The following CYRIB variants were observed in gnomAD, a reference collection of about 807,000 sequenced individuals.
CYRIB encodes the protein CYFIP-related Rac1 interactor B.
In CYRIB, 8 loss-of-function variants were observed where a neutral mutation model predicts 44.2. The ratio of observed to expected loss-of-function variants is 0.18; its 90% CI spans 0.11 to 0.33. The LOEUF (loss-of-function observed/expected upper bound fraction) is 0.33. Among genes scored for constraint, CYRIB ranks in the 10% least tolerant of loss-of-function variants. The pLI, the probability that CYRIB is intolerant of heterozygous loss-of-function variation, is 1.00. For synonymous variants in CYRIB, 131 were observed against 127.2 expected (o/e 1.03, Z -0.20); for missense variants, 185 against 382.8 (o/e 0.48, Z 4.31).
exon 12 of CYRIB, chr8:129,842,205 C>T (rs75282408): frequency 6.2e-7 from 1 of 1,605,798 alleles, no homozygotes; most frequent in Non-Finnish European, 8.5e-7. Flanking sequence ...TTGTTGTGTA[C>T]CTAAAAAAAG....
At chr8:129,932,161 G>A (rs1465947387) in intron 1 of CYRIB, among the ~76,000 whole-genome samples, 1 of 151,860 alleles carries the variant, frequency 6.6e-6, no homozygotes, top group East Asian at 1.9e-4. Flanking sequence ...ACTTCGCCCA[G>A]CTAATTTTTT....
At chr8:129,941,272 GA>G (rs376796375), upstream of CYRIB, among the ~76,000 whole-genome samples, 9 of 124,980 alleles carry the variant, frequency 7.2e-5, no homozygotes, top group South Asian at 2.6e-4. Flanking sequence ...AACTGAAGGA[GA>G]TTTTTTTTTT....
upstream of CYRIB, among the ~76,000 whole-genome samples, chr8:129,942,945 A>G (rs1564292055): frequency 6.6e-6 from 1 of 152,154 alleles, no homozygotes; most frequent in Non-Finnish European, 1.5e-5. Flanking sequence ...TTTAAATTTC[A>G]CAAGGTCCTG....
At chr8:129,992,224 G>A (rs79404715) in intron 1 of CYRIB, among the ~76,000 whole-genome samples, 17,836 of 152,004 alleles carry the variant, frequency 0.12, 1,093 homozygotes, top group South Asian at 0.25. Context: ...GGAGGGCTGA[G>A]GCAGGAGGAT....
intron 1 of CYRIB, among the ~76,000 whole-genome samples, chr8:129,905,256 C>T (rs943514162): frequency 1.3e-5 from 2 of 152,136 alleles, no homozygotes; most frequent in African/African-American, 4.8e-5. Flanking sequence ...CTCACTCTGT[C>T]ACCCAGGCTG....
rs74578276 is a variant in CYRIB, at chr8:129,856,305, C to G, written c.302-558G>C. Among the ~76,000 whole-genome samples, 647 of 152,242 alleles carry G rather than the reference C, an allele frequency of 4.2e-3. 3 individuals are homozygous for G. Among genetic ancestry groups the G allele is most frequent in the African/African-American group, 0.014 (594 of 41,542 alleles). On this transcript the variant is annotated intron_variant, in intron 5 of 11. Transcript: ENST00000519824. Reference sequence around the variant, plus strand: ...TGTCTTAGAACTTGACATTTCAAGACTACAATATAAATATTCTAATTCATT... The same window carrying G: ...TGTCTTAGAACTTGACATTTCAAGAGTACAATATAAATATTCTAATTCATT...
At chr8:129,965,349 A>G (rs1198080606) in intron 2 of CYRIB, among the ~76,000 whole-genome samples, 1 of 151,712 alleles carries the variant, frequency 6.6e-6, no homozygotes, top group Non-Finnish European at 1.5e-5. Flanking sequence ...AAACACTTAT[A>G]CCCTCTTCTT....
chr8:129,884,195 T>A (rs298608), intron 2 of CYRIB, among the ~76,000 whole-genome samples: 27,925 of 152,124 alleles, frequency 0.18, 2,737 homozygotes, highest in Non-Finnish European at 0.21. Context: ...ATACCCCTTT[T>A]AGCTGTTGAG....
At chr8:129,846,985 A>C (rs2040430443) in intron 10 of CYRIB, 111 bp from the exon 13 acceptor site, 1 of 588,874 alleles carries the variant, frequency 1.7e-6, no homozygotes, top group East Asian at 3.1e-5. Flanking sequence ...AAGAGATTAC[A>C]TACTATGTCA....
At chr8:129,857,664 A>G (rs1048612645) in intron 5 of CYRIB, among the ~76,000 whole-genome samples, 6 of 152,144 alleles carry the variant, frequency 3.9e-5, no homozygotes, top group African/African-American at 1.2e-4. Context: ...AGGGGTATGG[A>G]TGGTGTATCA....
chr8:129,924,813 A>T (rs910856816), intron 1 of CYRIB, among the ~76,000 whole-genome samples: 28 of 152,214 alleles, frequency 1.8e-4, no homozygotes, highest in Admixed American at 8.5e-4. Context: ...AAAAAAATTT[A>T]AAAAAATAAA....
intron 6 of CYRIB, 56 bp from the exon 9 acceptor site, chr8:129,854,399 A>C: frequency 7.8e-7 from 1 of 1,281,870 alleles, no homozygotes; most frequent in Non-Finnish European, 1.1e-6. Context: ...AATGTAAAAA[A>C]ACTAAGTAAA....
At chr8:129,868,376 T>C (rs932568062) in intron 4 of CYRIB, among the ~76,000 whole-genome samples, 1 of 152,248 alleles carries the variant, frequency 6.6e-6, no homozygotes, top group South Asian at 2.1e-4. Context: ...TTTTATTACT[T>C]ATCAATGTTT....
upstream of CYRIB, among the ~76,000 whole-genome samples, chr8:129,942,761 C>A (rs181120827): frequency 4.9e-4 from 74 of 152,310 alleles, 1 homozygote; most frequent in Admixed American, 4.6e-3. Context: ...CTAAGCTCTA[C>A]GCTCTTGACT....
chr8:129,981,139 A>G (rs2096223377), intron 1 of CYRIB, among the ~76,000 whole-genome samples: 1 of 152,000 alleles, frequency 6.6e-6, no homozygotes, highest in African/African-American at 2.4e-5. Context: ...TTAGCCCCCC[A>G]TTCCCCACCT....
At chr8:129,902,475 C>A (rs298615) in intron 2 of CYRIB, among the ~76,000 whole-genome samples, 55,661 of 151,988 alleles carry the variant, frequency 0.37, 12,567 homozygotes, top group East Asian at 0.55. Flanking sequence ...CCACCTCGGC[C>A]TCCCAAAGTG....
chr8:129,947,751 A>G (rs916869888), intron 2 of CYRIB: 1 of 152,264 alleles, frequency 6.6e-6, no homozygotes, highest in Non-Finnish European at 1.5e-5. Context: ...CTATATCTAT[A>G]TAAAGGCAGC....
intron 2 of CYRIB, among the ~76,000 whole-genome samples, chr8:129,893,247 TG>T (rs1425756154): frequency 6.6e-6 from 1 of 152,218 alleles, no homozygotes; most frequent in Non-Finnish European, 1.5e-5. Context: ...GTATCAGTGG[TG>T]GTAGTCGTTT....
chr8:129,928,598 T>C (rs1443661744), intron 1 of CYRIB, among the ~76,000 whole-genome samples: 1 of 151,340 alleles, frequency 6.6e-6, no homozygotes, highest in Non-Finnish European at 1.5e-5. Flanking sequence ...AGTTCTAGGC[T>C]GCAGTAAGGT....
Sources: allele counts gnomAD v4.1 joint callset (sites outside exome capture counted in the v4.1 genomes callset), GRCh38; gene constraint gnomAD v4.1.1; transcripts MANE v1.5; gene names NCBI Gene and HGNC (gene_info 2026-07-23, HGNC 2026-07-21).